The following ITIH5 variants were observed in gnomAD, a reference collection of about 807,000 sequenced individuals.
ITIH5 encodes the protein inter-alpha-trypsin inhibitor heavy chain 5.
Under a neutral mutation model 77.5 loss-of-function variants are expected in ITIH5, and 65 were observed. That is an observed-to-expected ratio of 0.84 (90% CI 0.69 to 1.03). The LOEUF (loss-of-function observed/expected upper bound fraction) is 1.03, where lower values mean the gene tolerates loss of function less well. Ranked by LOEUF, ITIH5 falls within the 50% of genes least tolerant of loss-of-function variation. ITIH5 has a pLI of 0.00. For synonymous variants in ITIH5, 525 were observed against 494.3 expected, an observed-to-expected ratio of 1.06 and a Z score of -0.82; for missense variants, 1,208 against 1,213.1, an observed-to-expected ratio of 1.00 and a Z score of 0.06.
rs145334714 is a variant in ITIH5 at position 7,585,994 on chromosome 10, G to A, written c.1015C>T (p.Arg339Trp). 1,845 of 1,614,012 alleles carry A rather than the reference G, an allele frequency of 1.1e-3. 16 individuals carry two copies. Among genetic ancestry groups the A allele is most frequent in the South Asian group, 7.1e-3 (643 of 91,076 alleles). Residue 339 changes from arginine to tryptophan, a missense_variant, in exon 8 of 14, where the codon CGG becomes TGG. Coordinates refer to ENST00000397146, the MANE Select transcript of ITIH5 (RefSeq NM_030569.7). ...AAGTGGTCCTTCCATACTTTGATCC[G>A]GTTGGAAAATCCAATGATACTGAAA... ...DRFSIIGFSNRIKVWKDHLIS... is the reference protein window; with the variant it reads ...DRFSIIGFSNWIKVWKDHLIS...
chr10:7,573,487 T>A (rs1832346296), intron 10 of ITIH5, among the ~76,000 whole-genome samples: 1 of 150,620 alleles, frequency 6.6e-6, no homozygotes, highest in South Asian at 2.1e-4. Flanking sequence ...GGCAATATAG[T>A]GAGACCCTGT....
Position 7,651,105 on chromosome 10 carries a change from T to C in ITIH5, c.135+4526A>G, listed in dbSNP as rs72779182. On this transcript the variant is annotated intron_variant, in intron 2 of 13. Transcript: ENST00000397146. Reference sequence around the variant, plus strand: ...GCCCAGAGTCATGCTACCTGCTGTATTGACTGTATTTTCTTGTTTTCTATA... The same window carrying C: ...GCCCAGAGTCATGCTACCTGCTGTACTGACTGTATTTTCTTGTTTTCTATA... Among the ~76,000 whole-genome samples the C allele has an allele frequency of 7.2e-3, 1,100 of 152,200 alleles. 10 individuals carry two copies. The highest frequency in any genetic ancestry group is 0.042 in the South Asian group (202 of 4,814).
At chr10:7,582,086 A>T (rs556469938) in intron 8 of ITIH5, among the ~76,000 whole-genome samples, 6 of 151,926 alleles carry the variant, frequency 3.9e-5, no homozygotes, top group Non-Finnish European at 4.4e-5. Flanking sequence ...CATGTTGGCC[A>T]GGCTGGTCTT....
chr10:7,588,512 G>C (rs564819750), intron 7 of ITIH5, among the ~76,000 whole-genome samples: 1 of 152,186 alleles, frequency 6.6e-6, no homozygotes, highest in Non-Finnish European at 1.5e-5. Flanking sequence ...GTGAAAATGT[G>C]TCTCAAAAAA....
chr10:7,636,722 A>G (rs1255999441), intron 5 of ITIH5, among the ~76,000 whole-genome samples: 1 of 152,078 alleles, frequency 6.6e-6, no homozygotes, highest in Non-Finnish European at 1.5e-5. Flanking sequence ...TACATTTTTA[A>G]TCTCCTGTTA....
intron 5 of ITIH5, among the ~76,000 whole-genome samples, chr10:7,623,370 T>C (rs1833504850): frequency 1.3e-5 from 2 of 152,170 alleles, no homozygotes; most frequent in South Asian, 4.1e-4. Context: ...CTTAAATATA[T>C]GGAGGTCAAA....
chr10:7,571,979 A>C (rs904014223), intron 11 of ITIH5: 2 of 1,005,262 alleles, frequency 2.0e-6, no homozygotes, highest in African/African-American at 3.5e-5. Flanking sequence ...TGCACATACC[A>C]CACCATTTCT....
At chr10:7,646,608 T>G (rs1335407011) in intron 2 of ITIH5, among the ~76,000 whole-genome samples, 1 of 152,218 alleles carries the variant, frequency 6.6e-6, no homozygotes, top group East Asian at 1.9e-4. Context: ...CAGAAGGGCT[T>G]GGCTGGGAGG....
chr10:7,598,602 C>T (rs957582525), intron 7 of ITIH5, among the ~76,000 whole-genome samples: 3 of 152,120 alleles, frequency 2.0e-5, no homozygotes, highest in Non-Finnish European at 4.4e-5. Flanking sequence ...TTAAAGTCTC[C>T]TTTCAAATGC....
intron 5 of ITIH5, among the ~76,000 whole-genome samples, chr10:7,622,815 T>G (rs1833495450): frequency 6.6e-6 from 1 of 152,218 alleles, no homozygotes; most frequent in Non-Finnish European, 1.5e-5. Flanking sequence ...TAAATGTACA[T>G]TTTTTTCTGA....
chr10:7,640,477 A>T (rs1033861164), intron 4 of ITIH5, among the ~76,000 whole-genome samples: 1 of 145,114 alleles, frequency 6.9e-6, no homozygotes, highest in African/African-American at 2.6e-5. Flanking sequence ...CCTCATTCCA[A>T]AAAAAAAAAA....
chr10:7,664,255 C>T (rs1834324723), intron 1 of ITIH5, among the ~76,000 whole-genome samples: 1 of 151,842 alleles, frequency 6.6e-6, no homozygotes, highest in South Asian at 2.1e-4. Context: ...CAAAAATTAG[C>T]CAGGCATGGT....
chr10:7,605,162 G>C (rs1833097692), intron 7 of ITIH5, among the ~76,000 whole-genome samples: 1 of 151,864 alleles, frequency 6.6e-6, no homozygotes, highest in South Asian at 2.1e-4. Context: ...AAAGTTCTCG[G>C]TGAAAGTGAC....
At chr10:7,611,823 G>T (rs988898394) in intron 7 of ITIH5, among the ~76,000 whole-genome samples, 21 of 150,248 alleles carry the variant, frequency 1.4e-4, no homozygotes, top group Non-Finnish European at 1.0e-4. Context: ...TTTCCCCTTT[G>T]TAATTACTTT....
chr10:7,644,733 CTATATCACATA>C (rs1314234028), intron 2 of ITIH5, among the ~76,000 whole-genome samples: 4 of 103,248 alleles, frequency 3.9e-5, no homozygotes, highest in African/African-American at 9.3e-5. Context: ...TATCACATAT[CTATATCACATA>C]TATATCACAT....
At chr10:7,579,385 C>T (rs902731357) in intron 9 of ITIH5, among the ~76,000 whole-genome samples, 9 of 152,046 alleles carry the variant, frequency 5.9e-5, no homozygotes, top group African/African-American at 1.7e-4. Context: ...ATTAGCCAGG[C>T]GTGGTGGTGT....
intron 5 of ITIH5, chr10:7,619,523 T>TA (rs1833434480): frequency 3.6e-6 from 1 of 278,012 alleles, no homozygotes; most frequent in Admixed American, 3.8e-5. Flanking sequence ...TTCACACTGT[T>TA]ATCAAGAAGT....
At chr10:7,569,010 C>CTTT (rs5782983) in intron 12 of ITIH5, among the ~76,000 whole-genome samples, 154 of 71,526 alleles carry the variant, frequency 2.2e-3, no homozygotes, top group Middle Eastern at 9.8e-3. Context: ...TTTTCTTTTT[C>CTTT]TTTTTTTTTT....
intron 9 of ITIH5, among the ~76,000 whole-genome samples, chr10:7,577,724 G>C (rs1391929552): frequency 3.3e-5 from 5 of 152,232 alleles, no homozygotes; most frequent in African/African-American, 1.2e-4. Context: ...GAAACCATAG[G>C]CTGTGGAGTT....
Sources: allele counts gnomAD v4.1 joint callset (sites outside exome capture counted in the v4.1 genomes callset), GRCh38; gene constraint gnomAD v4.1.1; transcripts MANE v1.5; gene names NCBI Gene and HGNC (gene_info 2026-07-23, HGNC 2026-07-21).